Variants in SAXO2 observed in about 807,000 individuals in gnomAD.
The protein encoded by SAXO2 is family with sequence similarity 154, member B.
Under a neutral mutation model 18.7 loss-of-function variants are expected in SAXO2, and 17 were observed. The observed-to-expected ratio is 0.91, with a 90% CI of 0.62 to 1.36. The LOEUF (loss-of-function observed/expected upper bound fraction) is 1.36, where lower values mean the gene tolerates loss of function less well. Ranked by LOEUF, SAXO2 falls within the 40% of genes most tolerant of loss-of-function variation. The pLI is 0.00. For synonymous variants in SAXO2, 163 were observed against 181.2 expected, an observed-to-expected ratio of 0.90 and a Z score of 0.81; for missense variants, 486 against 562.6, an observed-to-expected ratio of 0.86 and a Z score of 1.38.
chr15:82,282,904 T>C lies in SAXO2; in HGVS notation c.1219T>C (p.Phe407Leu). ...TATTGCTTTTAAGAGTTCTGTTCCATTTGATGATGTAACCATGTACTCTGT... is the reference window on the plus strand; with the variant it reads ...TATTGCTTTTAAGAGTTCTGTTCCACTTGATGATGTAACCATGTACTCTGT... ...LNIAFKSSVP[F>L]DDVTMYSVEY... The change falls in exon 4 of 4, where the codon TTT becomes CTT. Residue 407 changes from phenylalanine to leucine, a missense_variant. By Grantham distance (22) the Phe-to-Leu change is conservative. Coordinates refer to ENST00000682753, the MANE Select transcript of SAXO2 (RefSeq NM_001348699.2). 1 of 1,614,114 alleles carries C rather than the reference T, an allele frequency of 6.2e-7. No homozygotes were observed. The highest frequency in any genetic ancestry group is 8.5e-7 in the Non-Finnish European group (1 of 1,179,996).
intron 1 of SAXO2, chr15:82,263,532 C>T (rs1051995822): frequency 1.5e-6 from 1 of 673,270 alleles, no homozygotes; most frequent in African/African-American, 1.8e-5. Context: ...CCTTCCTCAG[C>T]TTCACTATTG....
chr15:82,264,306 C>A (rs1489406500), intron 1 of SAXO2, among the ~76,000 whole-genome samples: 1 of 151,702 alleles, frequency 6.6e-6, no homozygotes, highest in East Asian at 1.9e-4. Flanking sequence ...CATGATCTGC[C>A]TGCCTCGGCT....
chr15:82,273,814 T>A (rs1440802444), intron 3 of SAXO2, among the ~76,000 whole-genome samples: 3 of 152,070 alleles, frequency 2.0e-5, no homozygotes, highest in Non-Finnish European at 4.4e-5. Flanking sequence ...CTCAGCTCAC[T>A]GCAACCTCCG....
chr15:82,282,023 A>T (rs2075365453), intron 3 of SAXO2, 96 bp from the exon 4 acceptor site: 1 of 933,150 alleles, frequency 1.1e-6, no homozygotes, highest in Non-Finnish European at 1.6e-6. Context: ...GGAAATGGAA[A>T]GATGTTTGGC....
intron 3 of SAXO2, among the ~76,000 whole-genome samples, chr15:82,277,505 A>G (rs1332556057): frequency 6.6e-6 from 1 of 152,234 alleles, no homozygotes; most frequent in Non-Finnish European, 1.5e-5. Context: ...GTAGAATTGA[A>G]GGTGTAATTT....
At chr15:82,264,368 AT>A (rs112443463) in intron 1 of SAXO2, among the ~76,000 whole-genome samples, 12,022 of 142,046 alleles carry the variant, frequency 0.085, 476 homozygotes, top group African/African-American at 0.092. Flanking sequence ...GCCTGCATTG[AT>A]TTTTTTTTTT....
At chr15:82,280,409 T>C (rs2075352764) in intron 3 of SAXO2, among the ~76,000 whole-genome samples, 1 of 152,176 alleles carries the variant, frequency 6.6e-6, no homozygotes, top group Admixed American at 6.5e-5. Flanking sequence ...CAATAACATC[T>C]ATGATTCCTT....
chr15:82,280,984 G>A (rs11854157), intron 3 of SAXO2, among the ~76,000 whole-genome samples: 22,404 of 152,052 alleles, frequency 0.15, 2,932 homozygotes, highest in African/African-American at 0.35. Context: ...AAATGGATAC[G>A]CATTTTTTCT....
At chr15:82,264,930 T>G (rs1305081130) in intron 1 of SAXO2, 2 of 577,776 alleles carry the variant, frequency 3.5e-6, no homozygotes, top group East Asian at 2.8e-5. Flanking sequence ...ATCATGTGAA[T>G]ACACATAGTA....
intron 2 of SAXO2, among the ~76,000 whole-genome samples, chr15:82,269,359 G>C (rs1202618214): frequency 6.6e-6 from 1 of 152,184 alleles, no homozygotes; most frequent in Admixed American, 6.5e-5. Flanking sequence ...GAGGGGGAAG[G>C]AAATGCATTC....
chr15:82,263,871 T>C (rs2075171815), intron 1 of SAXO2, among the ~76,000 whole-genome samples: 2 of 152,230 alleles, frequency 1.3e-5, no homozygotes, highest in Middle Eastern at 6.8e-3. Context: ...ATTTTACTTC[T>C]TGTTTGTTTG....
At chr15:82,269,589 G>A (rs2075251945) in intron 2 of SAXO2, among the ~76,000 whole-genome samples, 1 of 152,066 alleles carries the variant, frequency 6.6e-6, no homozygotes, top group Non-Finnish European at 1.5e-5. Flanking sequence ...TTTGGTGGAG[G>A]GTGGAGGGTG....
intron 1 of SAXO2, among the ~76,000 whole-genome samples, chr15:82,265,359 G>C (rs897846330): frequency 1.8e-4 from 27 of 152,106 alleles, no homozygotes; most frequent in African/African-American, 5.3e-4. Flanking sequence ...AGTCAGGATG[G>C]TCTCGATCTC....
chr15:82,269,017 A>G (rs2075245681), intron 2 of SAXO2, among the ~76,000 whole-genome samples: 1 of 152,206 alleles, frequency 6.6e-6, no homozygotes, highest in South Asian at 2.1e-4. Flanking sequence ...AGAACAACTC[A>G]GATGTCTTGA....
rs1567086394 is a variant in SAXO2, at chr15:82,264,067, G to GTTTTTTTTTTTTTTTTTTTT, written c.53+1135_53+1136insTTTTTTTTTTTTTTTTTTTT. 2.2e-5 allele frequency among the ~76,000 whole-genome samples: 3 copies of GTTTTTTTTTTTTTTTTTTTT among 134,132 alleles called. 1 individual carries two copies. The highest frequency in any genetic ancestry group is 1.6e-5 in the Non-Finnish European group (1 of 63,414). The allele number at this position is 134,132 out of a possible 152,430, so 88.0% of individuals were successfully genotyped here. Reference sequence around the variant, plus strand: ...TTAAGACTTGTTTTACATATGCATTGATTTTTTTTTTTTTTTTTTTTTGAG... The same window carrying GTTTTTTTTTTTTTTTTTTTT: ...TTAAGACTTGTTTTACATATGCATTGTTTTTTTTTTTTTTTTTTTTATTTTTTTTTTTTTTTTTTTTTGAG... On this transcript the variant is annotated intron_variant, in intron 1 of 3. Transcript: ENST00000682753.
chr15:82,264,068 A>ATTT (rs397853729), intron 1 of SAXO2, among the ~76,000 whole-genome samples: 1,954 of 86,812 alleles, frequency 0.023, 15 homozygotes, highest in Non-Finnish European at 0.035. Context: ...ATATGCATTG[A>ATTT]TTTTTTTTTT....
In SAXO2 at chr15:82,278,721, CAG is replaced by C. The variant is rs1187433229; in HGVS notation, c.434-3396_434-3395del. Among the ~76,000 whole-genome samples the C allele has an allele frequency of 5.5e-4, 84 of 152,012 alleles. 1 individual carries two copies. The highest frequency in any genetic ancestry group is 1.1e-3 in the Non-Finnish European group (74 of 67,966). ...GTGCAATGTGTGTTTTTGATCATAA[CAG>C]AATTAAATTAGACATCAATAATAGA... On this transcript the variant is annotated intron_variant, in intron 3 of 3. Transcript: ENST00000682753.
intron 1 of SAXO2, among the ~76,000 whole-genome samples, chr15:82,265,364 G>A (rs545266391): frequency 2.0e-5 from 3 of 152,196 alleles, no homozygotes; most frequent in East Asian, 1.9e-4. Context: ...GGATGGTCTC[G>A]ATCTCCTGAC....
intron 3 of SAXO2, among the ~76,000 whole-genome samples, chr15:82,278,304 A>G (rs770526160): frequency 3.3e-5 from 5 of 152,236 alleles, no homozygotes; most frequent in Admixed American, 1.3e-4. Context: ...ACCCAGGGGC[A>G]CAGGGCCTGC....
Sources: allele counts gnomAD v4.1 joint callset (sites outside exome capture counted in the v4.1 genomes callset), GRCh38; gene constraint gnomAD v4.1.1; transcripts MANE v1.5; gene names NCBI Gene and HGNC (gene_info 2026-07-23, HGNC 2026-07-21).